EVC2: variants seen among roughly 807,000 people sequenced by gnomAD.
The protein encoded by EVC2 is limbin.
Under a neutral mutation model 149.3 loss-of-function variants are expected in EVC2, and 148 were observed. The observed-to-expected ratio is 0.99, with a 90% CI of 0.87 to 1.14. The LOEUF (loss-of-function observed/expected upper bound fraction) is 1.14, where lower values mean the gene tolerates loss of function less well. EVC2 is among the 50% of genes most tolerant of loss of function. The pLI, the probability that EVC2 is intolerant of heterozygous loss-of-function variation, is 0.00. For missense variants in EVC2, 1,854 were observed against 1,627.3 expected, an observed-to-expected ratio of 1.14 and a Z score of -2.40; for synonymous variants, 776 against 649.9, an observed-to-expected ratio of 1.19 and a Z score of -2.95.
chr4:5,544,602 A>G (rs1204040166), intron 21 of EVC2, among the ~76,000 whole-genome samples: 1 of 152,214 alleles, frequency 6.6e-6, no homozygotes, highest in African/African-American at 2.4e-5. Context: ...GTAGACTCCC[A>G]TAATTCAAAA....
At chr4:5,574,596 C>A in intron 19 of EVC2, 89 bp downstream of exon 19, 1 of 1,350,680 alleles carries the variant, frequency 7.4e-7, no homozygotes, top group Non-Finnish European at 1.1e-6. Context: ...TCATCACCAT[C>A]CTGGAGGTGA....
rs1321055764 is a variant in EVC2 at position 5,613,137 on chromosome 4, G to C, written c.2829+2285C>G. On this transcript the variant is annotated intron_variant, in intron 16 of 21. Transcript: ENST00000344408. This position sits in a 1 kb window ranked among gnomAD's most constrained non-coding sequence, Gnocchi z 4.6. ...CATCCTGTGACTCTGCTCCAAGGGT[G>C]CTGGTGAGATGGCCCTTAGCTTTCT... Among the ~76,000 whole-genome samples, 1 of 151,980 alleles carries C rather than the reference G, an allele frequency of 6.6e-6. No individual in the cohort carries two copies. The highest frequency in any genetic ancestry group is 1.5e-5 in the Non-Finnish European group (1 of 68,010).
Position 5,689,272 on chromosome 4 carries a change from T to A in EVC2, c.591A>T (p.Ser197=). ...GCAAGAGCAGCTCCGAGAGGTTGGC[T>A]GACGAGGTTGTCTTGGTGTTGTTAA... ...LLVNNTKTTS[S]ANLSELLLLD... is the part of the protein sequence containing the mutation. Residue 197 remains serine, a synonymous_variant, in exon 5 of 22, where the codon TCA becomes TCT. Coordinates refer to ENST00000344408, the MANE Select transcript of EVC2 (RefSeq NM_147127.5). 1 of 1,614,150 alleles carries A rather than the reference T, an allele frequency of 6.2e-7. No homozygotes were observed. The highest frequency in any genetic ancestry group is 1.1e-5 in the South Asian group (1 of 91,068).
At chr4:5,573,539 A>G (rs772658548) in intron 19 of EVC2, among the ~76,000 whole-genome samples, 4 of 152,202 alleles carry the variant, frequency 2.6e-5, no homozygotes, top group African/African-American at 4.8e-5. Context: ...CAATTACTTA[A>G]GTGAGCAGGA....
intron 17 of EVC2, among the ~76,000 whole-genome samples, chr4:5,583,840 T>C (rs1012607913): frequency 4.7e-5 from 7 of 150,424 alleles, no homozygotes; most frequent in African/African-American, 1.7e-4. Context: ...TTGTTTATGC[T>C]GTACTTCAGA....
intron 16 of EVC2, among the ~76,000 whole-genome samples, chr4:5,597,205 T>G (rs1713513015): frequency 6.6e-6 from 1 of 152,170 alleles, no homozygotes; most frequent in Admixed American, 6.5e-5. Flanking sequence ...GAATCCTCCC[T>G]AACTCATTTT....
At chr4:5,707,003 T>G (rs1378670306) in intron 1 of EVC2, among the ~76,000 whole-genome samples, 1 of 152,078 alleles carries the variant, frequency 6.6e-6, no homozygotes, top group African/African-American at 2.4e-5. Context: ...CAGAGGCCAA[T>G]GTGCACCAGG....
In EVC2 at chr4:5,640,898, T is replaced by A. The variant is rs1281119538; in HGVS notation, c.1146-60A>T. The A allele has an allele frequency of 1.0e-5, 16 of 1,591,766 alleles. No homozygotes were observed. The highest frequency in any genetic ancestry group is 1.7e-4 in the Middle Eastern group (1 of 6,042). On this transcript the variant is annotated intron_variant, in intron 9 of 21. Coordinates refer to ENST00000344408, the MANE Select transcript of EVC2 (RefSeq NM_147127.5). This position sits in a 1 kb window ranked among gnomAD's most constrained non-coding sequence, Gnocchi z 4.6. ...ATGAAATTGCAACAGAAACCAAAGG[T>A]CTTTCAAAGCTCTGAGGTTTTCATT...
intron 7 of EVC2, among the ~76,000 whole-genome samples, chr4:5,675,498 C>T (rs1719926650): frequency 6.6e-6 from 1 of 152,192 alleles, no homozygotes; most frequent in South Asian, 2.1e-4. Flanking sequence ...TCAAATGCTG[C>T]ATTAATGTAG....
Position 5,625,152 on chromosome 4 carries a change from C to T in EVC2, c.2046+597G>A, listed in dbSNP as rs989405098. On this transcript the variant is annotated intron_variant, in intron 13 of 21. Coordinates refer to ENST00000344408, the MANE Select transcript of EVC2 (RefSeq NM_147127.5). This position sits in a 1 kb window ranked among gnomAD's most constrained non-coding sequence, Gnocchi z 4.0. Reference sequence around the variant, plus strand: ...CCCACTATCCTTGGATGGAAGGTAACCCCTTAGCACGGCACACCATGCCCC... The same window carrying T: ...CCCACTATCCTTGGATGGAAGGTAATCCCTTAGCACGGCACACCATGCCCC... Among the ~76,000 whole-genome samples the T allele has an allele frequency of 6.6e-6, 1 of 152,098 alleles. No individual in the cohort carries two copies. The highest frequency in any genetic ancestry group is 2.4e-5 in the African/African-American group (1 of 41,424).
rs1260788529 is a variant in EVC2, at chr4:5,569,026, A to G, written c.3361-386T>C. 1.3e-5 allele frequency among the ~76,000 whole-genome samples: 2 copies of G among 152,224 alleles called. No individual in the cohort carries two copies. The highest frequency in any genetic ancestry group is 1.5e-5 in the Non-Finnish European group (1 of 68,050). On this transcript the variant is annotated intron_variant, in intron 19 of 21. Coordinates refer to ENST00000344408, the MANE Select transcript of EVC2 (RefSeq NM_147127.5). This position sits in a 1 kb window ranked among gnomAD's most constrained non-coding sequence, Gnocchi z 4.8. ...CTCTGGAAACAACAGAAGTGTCCCT[A>G]AACCAGTGGACAATTGAAGACACTG...
chr4:5,635,799 C>T (rs991671893), intron 10 of EVC2, among the ~76,000 whole-genome samples: 1 of 152,176 alleles, frequency 6.6e-6, no homozygotes, highest in South Asian at 2.1e-4. Flanking sequence ...GCTGGGCCTC[C>T]TCTTTCAGTG....
intron 16 of EVC2, among the ~76,000 whole-genome samples, chr4:5,598,967 A>G (rs1408644049): frequency 6.6e-6 from 1 of 152,224 alleles, no homozygotes; most frequent in East Asian, 1.9e-4. Flanking sequence ...GACACATGAA[A>G]AAATGCTCAC....
At chr4:5,647,072 T>C (rs993786616) in intron 9 of EVC2, among the ~76,000 whole-genome samples, 1 of 152,184 alleles carries the variant, frequency 6.6e-6, no homozygotes, top group African/African-American at 2.4e-5. Flanking sequence ...CTGCTTGATA[T>C]GGATTGCATC....
At chr4:5,588,761 A>C (rs901608598) in intron 16 of EVC2, among the ~76,000 whole-genome samples, 1 of 152,206 alleles carries the variant, frequency 6.6e-6, no homozygotes, top group Non-Finnish European at 1.5e-5. Flanking sequence ...ATCTTTTTAC[A>C]TCTTCCATAT....
chr4:5,600,819 C>A (rs1312429780), intron 16 of EVC2, among the ~76,000 whole-genome samples: 1 of 152,176 alleles, frequency 6.6e-6, no homozygotes, highest in Non-Finnish European at 1.5e-5. Flanking sequence ...ATTCCCCCCA[C>A]CCATCCTTTG....
intron 11 of EVC2, among the ~76,000 whole-genome samples, chr4:5,630,301 G>A (rs1009800112): frequency 1.3e-5 from 2 of 152,168 alleles, no homozygotes; most frequent in Admixed American, 6.5e-5. Flanking sequence ...CCCAGAGGAT[G>A]GGCAGGGCCA....
chr4:5,594,028 G>A (rs964226354), intron 16 of EVC2, among the ~76,000 whole-genome samples: 11 of 152,166 alleles, frequency 7.2e-5, no homozygotes, highest in African/African-American at 1.9e-4. Flanking sequence ...AGGGGTGCCC[G>A]CCATTGCCCA....
rs548713218 is a variant in EVC2, at chr4:5,598,591, C to T, written c.2830-13741G>A. On this transcript the variant is annotated intron_variant, in intron 16 of 21. Transcript: ENST00000344408. ...ATTCAAGATGGATTAAAGACTTAAA[C>T]GTTAGACCTAAAATCATAAAAACCC... is the stretch of plus-strand genomic sequence containing the variant. Among the ~76,000 whole-genome samples, 249 of 152,184 alleles carry T rather than the reference C, an allele frequency of 1.6e-3. 1 individual carries two copies. Among genetic ancestry groups the T allele is most frequent in the African/African-American group, 5.7e-3 (236 of 41,528 alleles).
Sources: gnomAD v4.1 joint callset for allele counts (sites outside exome capture counted in the v4.1 genomes callset) on GRCh38, gnomAD v4.1.1 for gene constraint, Gnocchi (gnomAD v3.1) non-coding constraint, MANE v1.5 for transcripts, NCBI Gene and HGNC (gene_info 2026-07-23, HGNC 2026-07-21) for gene names.